Variants in LOC128092253 observed in about 807,000 individuals in gnomAD.
chr6:133,959,360 T>G, the LOC128092253 span, among the ~76,000 whole-genome samples: 1 of 151,898 alleles, frequency 6.6e-6, no homozygotes, highest in Non-Finnish European at 1.5e-5. Flanking sequence ...GTTAGGAAAT[T>G]TTTAGGAAAA....
the LOC128092253 span, among the ~76,000 whole-genome samples, chr6:133,960,087 T>C: frequency 2.0e-5 from 3 of 152,208 alleles, no homozygotes; most frequent in African/African-American, 4.8e-5. Flanking sequence ...TCCAGTGACT[T>C]GTGTACATGT....
At chr6:133,970,786 A>C in the LOC128092253 span, among the ~76,000 whole-genome samples, 1 of 152,022 alleles carries the variant, frequency 6.6e-6, no homozygotes, top group African/African-American at 2.4e-5. Context: ...TTTGTTGTAG[A>C]AATTGAGTCT....
the LOC128092253 span, among the ~76,000 whole-genome samples, chr6:133,973,532 A>C: frequency 6.6e-6 from 1 of 152,174 alleles, no homozygotes; most frequent in Non-Finnish European, 1.5e-5. Context: ...AAAATTTTAA[A>C]TGCAGTAGTC....
the LOC128092253 span, among the ~76,000 whole-genome samples, chr6:133,977,424 C>G: frequency 6.6e-6 from 1 of 151,868 alleles, no homozygotes; most frequent in Non-Finnish European, 1.5e-5. Flanking sequence ...TTCTTTACCC[C>G]TTTTTTTCTT....
chr6:133,973,498 G>T, the LOC128092253 span, among the ~76,000 whole-genome samples: 2 of 152,136 alleles, frequency 1.3e-5, no homozygotes, highest in Non-Finnish European at 2.9e-5. Context: ...TGGCCTTTCA[G>T]TTTAAATATC....
the LOC128092253 span, among the ~76,000 whole-genome samples, chr6:133,978,271 T>C: frequency 6.6e-6 from 1 of 152,216 alleles, no homozygotes; most frequent in Admixed American, 6.5e-5. Flanking sequence ...CAATAATTAC[T>C]GTCATTTACT....
the LOC128092253 span, among the ~76,000 whole-genome samples, chr6:133,974,070 G>A: frequency 1.3e-5 from 2 of 149,746 alleles, no homozygotes; most frequent in East Asian, 1.9e-4. Context: ...TAACATTTTG[G>A]CAGATATAAC....
At chr6:133,963,819 A>G in the LOC128092253 span, among the ~76,000 whole-genome samples, 2 of 151,072 alleles carry the variant, frequency 1.3e-5, no homozygotes, top group East Asian at 3.9e-4. Flanking sequence ...TCACAAGGTC[A>G]GGAGATCGAG....
chr6:133,970,162 C>G, the LOC128092253 span, among the ~76,000 whole-genome samples: 2 of 152,194 alleles, frequency 1.3e-5, no homozygotes, highest in Admixed American at 1.3e-4. Context: ...CCTCAATTGA[C>G]TCTGTCAATT....
chr6:133,963,417 T>C, the LOC128092253 span, among the ~76,000 whole-genome samples: 7 of 152,164 alleles, frequency 4.6e-5, no homozygotes, highest in African/African-American at 1.7e-4. Context: ...TTCTGTTGTT[T>C]TGTCTTTTGG....
chr6:133,977,689 A>G, the LOC128092253 span, among the ~76,000 whole-genome samples: 2 of 152,322 alleles, frequency 1.3e-5, no homozygotes, highest in East Asian at 3.9e-4. Flanking sequence ...TATCACAGAA[A>G]TCCAACATGA....
At chr6:133,973,025 AC>A in the LOC128092253 span, among the ~76,000 whole-genome samples, 1 of 152,192 alleles carries the variant, frequency 6.6e-6, no homozygotes, top group Admixed American at 6.5e-5. Flanking sequence ...ATACTATCAA[AC>A]AGATACGAAA....
the LOC128092253 span, among the ~76,000 whole-genome samples, chr6:133,968,503 G>T: frequency 2.0e-5 from 3 of 152,030 alleles, no homozygotes; most frequent in African/African-American, 7.3e-5. Flanking sequence ...CTAATACATT[G>T]CTTTAATAGA....
At chr6:133,957,330 G>C in the LOC128092253 span, among the ~76,000 whole-genome samples, 4 of 152,126 alleles carry the variant, frequency 2.6e-5, no homozygotes, top group African/African-American at 9.7e-5. Context: ...AAAACCAGAC[G>C]GTGTGTTAAG....
At chr6:133,972,944 G>T in the LOC128092253 span, among the ~76,000 whole-genome samples, 1 of 152,142 alleles carries the variant, frequency 6.6e-6, no homozygotes, top group Non-Finnish European at 1.5e-5. Context: ...AGAGCGGTTA[G>T]GTAAGTGGCC....
At chr6:133,971,871 TC>T in the LOC128092253 span, among the ~76,000 whole-genome samples, 1 of 152,180 alleles carries the variant, frequency 6.6e-6, no homozygotes, top group Non-Finnish European at 1.5e-5. Flanking sequence ...TTTCTCCTGT[TC>T]TGTGGGTTGG....
chr6:133,955,648 A>G, the LOC128092253 span, among the ~76,000 whole-genome samples: 4,536 of 152,324 alleles, frequency 0.03, 100 homozygotes, highest in Non-Finnish European at 0.043. Context: ...AAGGTATATT[A>G]AAATTTTTGA....
the LOC128092253 span, among the ~76,000 whole-genome samples, chr6:133,976,637 T>C: frequency 6.6e-6 from 1 of 152,206 alleles, no homozygotes; most frequent in East Asian, 1.9e-4. Flanking sequence ...CGATAAATTA[T>C]GTCACTACAC....
At chr6:133,959,043 A>AT in the LOC128092253 span, among the ~76,000 whole-genome samples, 23 of 149,882 alleles carry the variant, frequency 1.5e-4, no homozygotes, top group South Asian at 1.1e-3. Flanking sequence ...GTGCTGGGAA[A>AT]TTTTTTTTTT....
Sources: gnomAD v4.1 joint callset for allele counts (sites outside exome capture counted in the v4.1 genomes callset) on GRCh38, gnomAD v4.1.1 for gene constraint, MANE v1.5 for transcripts.